C16orf78: variants seen among roughly 807,000 people sequenced by gnomAD.
C16orf78 encodes the protein chromosome 16 open reading frame 78.
A neutral mutation model predicts 27.3 loss-of-function variants in C16orf78; 19 were observed. The ratio of observed to expected loss-of-function variants is 0.70; its 90% CI spans 0.49 to 1.02. C16orf78 has a LOEUF of 1.02. Ranked by LOEUF, C16orf78 falls within the 50% of genes least tolerant of loss-of-function variation. C16orf78 has a pLI of 0.00. For missense variants in C16orf78, 339 were observed against 337.0 expected (o/e 1.01, Z -0.05); for synonymous variants, 130 against 116.1 (o/e 1.12, Z -0.77).
intron 3 of C16orf78, among the ~76,000 whole-genome samples, chr16:49,392,342 A>G (rs1007909622): frequency 1.3e-5 from 2 of 152,206 alleles, no homozygotes; most frequent in African/African-American, 4.8e-5. Context: ...TCAGCCATAC[A>G]TTCCTTCATC....
rs1255081680 is a variant in C16orf78 at position 49,378,535 on chromosome 16, G to A, written c.336G>A (p.Lys112=). 5 of 1,613,268 alleles carry A rather than the reference G, an allele frequency of 3.1e-6. No individual in the cohort carries two copies. Among genetic ancestry groups the A allele is most frequent in the Non-Finnish European group, 3.4e-6 (4 of 1,179,660 alleles). Residue 112 remains lysine, a synonymous_variant, in exon 3 of 5, where the codon AAG becomes AAA. Transcript: ENST00000299191. The part of the protein sequence containing the change: ...SYRSLYGVEQ[K]GKHLSMVPGS... ...GAAGCCTCTATGGAGTGGAGCAAAAGGGGAAACACCTCAGCATGGTCCCTG... is the reference window on the plus strand; with the variant it reads ...GAAGCCTCTATGGAGTGGAGCAAAAAGGGAAACACCTCAGCATGGTCCCTG...
chr16:49,376,142 G>T (rs1215136169), intron 1 of C16orf78, among the ~76,000 whole-genome samples: 1 of 152,192 alleles, frequency 6.6e-6, no homozygotes. Context: ...CTGGTGAGAT[G>T]GTTGGGGTCT....
chr16:49,394,945 G>A (rs1340228320), intron 3 of C16orf78, among the ~76,000 whole-genome samples: 3 of 152,040 alleles, frequency 2.0e-5, no homozygotes, highest in South Asian at 2.1e-4. Flanking sequence ...ATAGCTCACC[G>A]CAGCCTTGAC....
chr16:49,374,398 T>C (rs995865743), intron 1 of C16orf78, among the ~76,000 whole-genome samples: 3 of 152,202 alleles, frequency 2.0e-5, no homozygotes, highest in Non-Finnish European at 4.4e-5. Flanking sequence ...GAGAAAAACA[T>C]TCCTGGATTG....
chr16:49,396,555 A>T lies in C16orf78; in HGVS notation c.527A>T (p.Asp176Val). Residue 176 changes from aspartate to valine, a missense_variant, in exon 4 of 5, where the codon GAC becomes GTC. Asp to Val is a radical substitution (Grantham distance 152). Transcript: ENST00000299191. ...AGCCAGAGGGCAACCTTCATAAGAG[A>T]CTGGTCCAACAAGATGCCTGACATG... ...FNSQRATFIR[D>V]WSNKMPDMAY... is the part of the protein sequence containing the mutation. 6.2e-7 allele frequency: 1 copy of T among 1,612,430 alleles called. No homozygotes were observed. The highest frequency in any genetic ancestry group is 1.4e-5 in the African/African-American group (1 of 73,372).
chr16:49,377,992 A>C, intron 2 of C16orf78, 142 bp downstream of exon 2: 1 of 1,206,630 alleles, frequency 8.3e-7, no homozygotes, highest in Non-Finnish European at 1.1e-6. Flanking sequence ...TTAACACTCA[A>C]ATAAAATCTC....
chr16:49,396,868 C>T (rs982504025), intron 4 of C16orf78, among the ~76,000 whole-genome samples, 190 bp downstream of exon 4: 2 of 152,232 alleles, frequency 1.3e-5, no homozygotes, highest in Admixed American at 6.5e-5. Context: ...AGCAGCTCAC[C>T]TGCTGGTAGA....
At chr16:49,395,460 C>A (rs56330203) in intron 3 of C16orf78, among the ~76,000 whole-genome samples, 46,463 of 151,166 alleles carry the variant, frequency 0.31, 10,248 homozygotes, top group African/African-American at 0.63. Flanking sequence ...TTTTTTTTTG[C>A]GATTTTTTTT....
chr16:49,374,021 A>G lies in C16orf78; in HGVS notation c.82A>G (p.Met28Val), dbSNP rs1567388457. 1.2e-6 allele frequency: 2 copies of G among 1,614,188 alleles called. No homozygotes were observed. The highest frequency in any genetic ancestry group is 1.3e-5 in the African/African-American group (1 of 75,042). The change falls in exon 1 of 5, where the codon ATG (methionine) becomes GTG (valine). Residue 28 changes from methionine to valine, a missense_variant. Coordinates refer to ENST00000299191, the MANE Select transcript of C16orf78 (RefSeq NM_144602.4). ...YMWKTAEDRR[M>V]SDLTCVLEWL... ...GTGGAAGACTGCTGAAGATAGGCGC[A>G]TGTCTGACCTCACCTGTGTGCTGGA...
At chr16:49,374,289 G>A (rs907978049) in intron 1 of C16orf78, among the ~76,000 whole-genome samples, 200 bp downstream of exon 1, 17 of 152,134 alleles carry the variant, frequency 1.1e-4, no homozygotes, top group Non-Finnish European at 2.4e-4. Flanking sequence ...TTGCTAATTC[G>A]CACTTATAAA....
rs368310360 is a variant in C16orf78, at chr16:49,378,466, C to G, written c.271-4C>G. The stretch of plus-strand genomic sequence containing the variant: ...GGTGTGACTTCTCACCTGCTCCCTC[C>G]AAGGCCTTAGGAAAGAGATTCAGGA... On this transcript the variant is annotated splice_region_variant and splice_polypyrimidine_tract_variant and intron_variant, in intron 2 of 4. Transcript: ENST00000299191. 5 of 1,571,024 alleles carry G rather than the reference C, an allele frequency of 3.2e-6. 1 individual carries two copies. Among genetic ancestry groups the G allele is most frequent in the Middle Eastern group, 1.7e-4 (1 of 5,996 alleles).
chr16:49,379,538 G>A (rs1965263214), intron 3 of C16orf78, among the ~76,000 whole-genome samples: 3 of 151,782 alleles, frequency 2.0e-5, no homozygotes, highest in South Asian at 4.2e-4. Context: ...AAGCCATTGT[G>A]ACCAAATTGC....
rs527835646 is a variant in C16orf78, at chr16:49,373,867, G to A, written c.-73G>A. 6.4e-7 allele frequency: 1 copy of A among 1,574,254 alleles called. No homozygotes were observed. The highest frequency in any genetic ancestry group is 1.2e-5 in the South Asian group (1 of 84,906). ...ACCTTCTAAGTCACCAGGCCATCAA[G>A]TCCAGACAAAGGGATCGAAAGAGTG... On this transcript the variant is annotated 5_prime_UTR_variant, in exon 1 of 5. Coordinates refer to ENST00000299191, the MANE Select transcript of C16orf78 (RefSeq NM_144602.4).
intron 1 of C16orf78, among the ~76,000 whole-genome samples, chr16:49,375,662 G>A (rs117723710): frequency 0.036 from 5,464 of 152,214 alleles, 116 homozygotes; most frequent in South Asian, 0.11. Flanking sequence ...GGGGAGAGAC[G>A]CAGATCCAAA....
intron 3 of C16orf78, among the ~76,000 whole-genome samples, chr16:49,391,703 A>G (rs1261558341): frequency 6.6e-6 from 1 of 152,238 alleles, no homozygotes; most frequent in Non-Finnish European, 1.5e-5. Flanking sequence ...TGAGTCACTC[A>G]ACACATGTTA....
intron 1 of C16orf78, among the ~76,000 whole-genome samples, chr16:49,376,124 G>A (rs1047958157): frequency 2.6e-5 from 4 of 152,164 alleles, no homozygotes; most frequent in African/African-American, 9.7e-5. Flanking sequence ...CAGGTGATGG[G>A]GGACCCTCTG....
chr16:49,384,287 G>T (rs1214379829), intron 3 of C16orf78, among the ~76,000 whole-genome samples: 1 of 148,740 alleles, frequency 6.7e-6, no homozygotes, highest in Admixed American at 6.8e-5. Flanking sequence ...GGCAGAGGTT[G>T]CAGTGAGCCG....
chr16:49,386,017 T>C (rs1214050366), intron 3 of C16orf78, among the ~76,000 whole-genome samples: 1 of 152,176 alleles, frequency 6.6e-6, no homozygotes, highest in East Asian at 1.9e-4. Context: ...AGAGAAGGAA[T>C]TGGAAAAGAT....
chr16:49,393,947 T>C lies in C16orf78; in HGVS notation c.395-2476T>C, dbSNP rs185507565. ...ATTGTAATAGAATACTATACCTCTA[T>C]ACAATACATTTTAAAACCTAAAGGA... On this transcript the variant is annotated intron_variant, in intron 3 of 4. Coordinates refer to ENST00000299191, the MANE Select transcript of C16orf78 (RefSeq NM_144602.4). Among the ~76,000 whole-genome samples, 125 of 152,170 alleles carry C rather than the reference T, an allele frequency of 8.2e-4. 1 individual carries two copies. Among genetic ancestry groups the C allele is most frequent in the Middle Eastern group, 3.4e-3 (1 of 294 alleles).
Sources: allele counts gnomAD v4.1 joint callset (sites outside exome capture counted in the v4.1 genomes callset), GRCh38; gene constraint gnomAD v4.1.1; transcripts MANE v1.5; gene names NCBI Gene and HGNC (gene_info 2026-07-23, HGNC 2026-07-21).